Variants in FAM107B observed in about 807,000 individuals in gnomAD.
FAM107B encodes family with sequence similarity 107 member B.
FAM107B carries 21 observed loss-of-function variants against 31.5 expected under a neutral mutation model. That is an observed-to-expected ratio of 0.67 (90% CI 0.47 to 0.96). FAM107B has a LOEUF of 0.96. Among genes scored for constraint, FAM107B ranks in the 40% least tolerant of loss-of-function variants. The pLI is 0.00. For synonymous variants in FAM107B, 157 were observed against 141.5 expected, an observed-to-expected ratio of 1.11 and a Z score of -0.78; for missense variants, 452 against 377.1, an observed-to-expected ratio of 1.20 and a Z score of -1.64.
chr10:14,521,168 G>A lies in FAM107B; in HGVS notation c.*22C>T, dbSNP rs773495389. On this transcript the variant is annotated 3_prime_UTR_variant, in exon 5 of 5. Coordinates refer to ENST00000181796, the MANE Select transcript of FAM107B (RefSeq NM_031453.4). ...CAGACAGCTCTGTGGGGTGACACAC[G>A]AGGTCTTGGTGCAGCCTCAGCCTAG... 1.6e-5 allele frequency: 26 copies of A among 1,588,280 alleles called. No homozygotes were observed. Among genetic ancestry groups the A allele is most frequent in the African/African-American group, 9.4e-5 (7 of 74,330 alleles).
chr10:14,755,021 G>C (rs1320405818), intron 1 of FAM107B, among the ~76,000 whole-genome samples: 1 of 152,154 alleles, frequency 6.6e-6, no homozygotes, highest in Non-Finnish European at 1.5e-5. Context: ...ATTGAGTCAA[G>C]AGCTGCTTTA....
rs1276666379 is a variant in FAM107B, at chr10:14,774,833, T to C, written c.-170A>G. The C allele has an allele frequency of 1.5e-5, 11 of 726,754 alleles. No individual in the cohort carries two copies. Among genetic ancestry groups the C allele is most frequent in the Non-Finnish European group, 2.2e-5 (10 of 456,122 alleles). 45.0% of individuals were successfully genotyped at this position (726,754 alleles called of 1,614,324 possible). Reference sequence around the variant, plus strand: ...ATGGCAAGGCCACCTTCCCTGAGAGTCACTTAGCCGCTGGGGCCCCTTTGA... The same window carrying C: ...ATGGCAAGGCCACCTTCCCTGAGAGCCACTTAGCCGCTGGGGCCCCTTTGA... On this transcript the variant is annotated 5_prime_UTR_variant, in exon 1 of 5. It removes the in-frame stop codon of an upstream open reading frame in the 5' UTR. Coordinates refer to ENST00000181796, the MANE Select transcript of FAM107B (RefSeq NM_031453.4).
At chr10:14,742,020 C>T (rs1270248248) in intron 1 of FAM107B, among the ~76,000 whole-genome samples, 3 of 151,984 alleles carry the variant, frequency 2.0e-5, no homozygotes, top group Middle Eastern at 3.4e-3. Flanking sequence ...GGCCAACTCC[C>T]TAACTTTCTG....
chr10:14,560,592 A>C (rs865915858), intron 2 of FAM107B, among the ~76,000 whole-genome samples: 16 of 152,302 alleles, frequency 1.1e-4, no homozygotes, highest in African/African-American at 3.8e-4. Context: ...AGTCGATGGA[A>C]GGCTCGGAAG....
chr10:14,562,306 G>A (rs1265477135), intron 2 of FAM107B, among the ~76,000 whole-genome samples: 1 of 152,190 alleles, frequency 6.6e-6, no homozygotes, highest in Non-Finnish European at 1.5e-5. Flanking sequence ...TTCAAAGGGT[G>A]ATGCACCTTC....
chr10:14,677,124 A>G (rs1182224604), intron 1 of FAM107B, among the ~76,000 whole-genome samples: 1 of 152,160 alleles, frequency 6.6e-6, no homozygotes, highest in Non-Finnish European at 1.5e-5. Flanking sequence ...GGTTGATCCC[A>G]GGAGCATTCC....
intron 2 of FAM107B, among the ~76,000 whole-genome samples, chr10:14,562,762 C>A (rs923638059): frequency 6.6e-6 from 1 of 152,216 alleles, no homozygotes; most frequent in African/African-American, 2.4e-5. Context: ...AACTTCCAGC[C>A]ATAAAACTGT....
At chr10:14,581,456 C>T (rs1005549993) in intron 2 of FAM107B, among the ~76,000 whole-genome samples, 21 of 152,226 alleles carry the variant, frequency 1.4e-4, no homozygotes, top group African/African-American at 4.6e-4. Flanking sequence ...GAGTTCCAGG[C>T]CACCAAATGC....
At chr10:14,547,241 T>C (rs11259176) in intron 2 of FAM107B, among the ~76,000 whole-genome samples, 17,843 of 152,282 alleles carry the variant, frequency 0.12, 1,164 homozygotes, top group Non-Finnish European at 0.16. Context: ...TCGACACTGT[T>C]GTCTGAAGTC....
chr10:14,645,949 G>C (rs1456985384), intron 2 of FAM107B, among the ~76,000 whole-genome samples: 1 of 152,116 alleles, frequency 6.6e-6, no homozygotes, highest in Non-Finnish European at 1.5e-5. Context: ...AATAGTGTTG[G>C]AAACAAGCCC....
intron 2 of FAM107B, among the ~76,000 whole-genome samples, chr10:14,647,588 G>T (rs1333985086): frequency 6.6e-6 from 1 of 151,660 alleles, no homozygotes; most frequent in Non-Finnish European, 1.5e-5. Flanking sequence ...GGAGGCTGAG[G>T]CAGGAGGAAT....
intron 2 of FAM107B, among the ~76,000 whole-genome samples, chr10:14,558,029 T>C (rs377613248): frequency 1.2e-4 from 18 of 152,356 alleles, no homozygotes; most frequent in Admixed American, 9.8e-4. Context: ...TCTTTTGAGC[T>C]CCTCCCCGTG....
chr10:14,564,487 A>T (rs1424233562), intron 2 of FAM107B, among the ~76,000 whole-genome samples: 1 of 151,146 alleles, frequency 6.6e-6, no homozygotes, highest in Non-Finnish European at 1.5e-5. Flanking sequence ...CACCATGACT[A>T]CCTCACCACT....
chr10:14,539,147 C>G (rs1236004598), intron 2 of FAM107B, among the ~76,000 whole-genome samples: 4 of 152,206 alleles, frequency 2.6e-5, no homozygotes, highest in Non-Finnish European at 5.9e-5. Context: ...CGCAAGTACA[C>G]TAGTTTAAAC....
intron 1 of FAM107B, among the ~76,000 whole-genome samples, chr10:14,716,728 C>T (rs949243136): frequency 2.0e-5 from 3 of 152,182 alleles, no homozygotes; most frequent in Non-Finnish European, 2.9e-5. Context: ...TTTAATCTCT[C>T]GGTTTCCACA....
intron 2 of FAM107B, among the ~76,000 whole-genome samples, chr10:14,585,604 C>G (rs1260097178): frequency 6.6e-6 from 1 of 152,198 alleles, no homozygotes; most frequent in Non-Finnish European, 1.5e-5. Flanking sequence ...AATGACAAAA[C>G]AGACGGCCAT....
chr10:14,545,310 G>A (rs1848592219), intron 2 of FAM107B, among the ~76,000 whole-genome samples: 2 of 152,072 alleles, frequency 1.3e-5, no homozygotes. Context: ...ATGGCAGGAT[G>A]CATCCCCCTG....
intron 1 of FAM107B, among the ~76,000 whole-genome samples, chr10:14,679,570 C>T (rs1854778348): frequency 6.6e-6 from 1 of 152,220 alleles, no homozygotes; most frequent in Admixed American, 6.5e-5. Context: ...CAGCCTTTCA[C>T]CCCCTTCTGG....
chr10:14,528,130 ATG>A (rs1318818297), intron 3 of FAM107B: 1 of 201,160 alleles, frequency 5.0e-6, no homozygotes, highest in East Asian at 1.9e-4. Flanking sequence ...ATCACTTATT[ATG>A]TTAAGCATTT....
Sources: gnomAD v4.1 joint callset for allele counts (sites outside exome capture counted in the v4.1 genomes callset) on GRCh38, gnomAD v4.1.1 for gene constraint, MANE v1.5 for transcripts, NCBI Gene and HGNC (gene_info 2026-07-23, HGNC 2026-07-21) for gene names.